RBM26: variants seen among roughly 807,000 people sequenced by gnomAD.
The protein encoded by RBM26 is RNA binding motif protein 26.
RBM26 carries 30 observed loss-of-function variants against 123.6 expected under a neutral mutation model. The observed-to-expected ratio is 0.24, with a 90% confidence interval of 0.18 to 0.33. The LOEUF (loss-of-function observed/expected upper bound fraction) is 0.33. Ranked by LOEUF, RBM26 falls within the 10% of genes least tolerant of loss-of-function variation. The pLI is 1.00. For synonymous variants in RBM26, 400 were observed against 404.4 expected, an observed-to-expected ratio of 0.99 and a Z score of 0.13; for missense variants, 947 against 1,203.6, an observed-to-expected ratio of 0.79 and a Z score of 3.15.
intron 1 of RBM26, among the ~76,000 whole-genome samples, chr13:79,397,022 A>G (rs921493101): frequency 6.6e-6 from 1 of 152,076 alleles, no homozygotes; most frequent in African/African-American, 2.4e-5. Flanking sequence ...TCTACTAAAA[A>G]TACGAAAAAT....
At chr13:79,333,750 G>A (rs919481151) in intron 20 of RBM26, among the ~76,000 whole-genome samples, 4 of 151,860 alleles carry the variant, frequency 2.6e-5, no homozygotes, top group Admixed American at 6.6e-5. Flanking sequence ...CAGATATTCC[G>A]GTCAGTCCTT....
chr13:79,362,106 C>T (rs540573600), intron 9 of RBM26, among the ~76,000 whole-genome samples: 49 of 152,256 alleles, frequency 3.2e-4, no homozygotes, highest in African/African-American at 1.1e-3. Flanking sequence ...CTCAGACTTC[C>T]ATATCCTATT....
At chr13:79,377,271 G>A (rs1362826736) in intron 3 of RBM26, 108 bp downstream of exon 3, 3 of 821,322 alleles carry the variant, frequency 3.7e-6, no homozygotes, top group Non-Finnish European at 5.8e-6. Flanking sequence ...ATTTAAACTG[G>A]GAGTGGTCCT....
At chr13:79,365,348 G>A (rs903278346) in intron 9 of RBM26, among the ~76,000 whole-genome samples, 1 of 152,072 alleles carries the variant, frequency 6.6e-6, no homozygotes, top group Non-Finnish European at 1.5e-5. Flanking sequence ...AGGAGGCTGA[G>A]GCAGGAAAAT....
chr13:79,370,409 T>C (rs1806971444), intron 5 of RBM26, among the ~76,000 whole-genome samples: 1 of 152,242 alleles, frequency 6.6e-6, no homozygotes, highest in Admixed American at 6.5e-5. Flanking sequence ...TCATCCATTT[T>C]GTTGCATGTA....
At chr13:79,341,713 T>C (rs117539984) in intron 17 of RBM26, among the ~76,000 whole-genome samples, 1 of 151,946 alleles carries the variant, frequency 6.6e-6, no homozygotes, top group East Asian at 1.9e-4. Context: ...GTCTTTTATG[T>C]ATTCCTTTTT....
rs776448642 is a variant in RBM26, at chr13:79,341,159, A to G, written c.2496T>C (p.Thr832=). 3.1e-5 allele frequency: 50 copies of G among 1,609,602 alleles called. 1 individual carries two copies. In the South Asian group the frequency reaches 5.3e-4, roughly 17 times the overall value. ...YKKMQAGEEV[T]ELRRKYTELQ... ...ATTCTGTATACTTTCTCCTAAGTTC[A>G]GTGACTTCTTCTCCAGCCTGCATCT... The change falls in exon 18 of 22, where the codon ACT becomes ACC. Residue 832 remains threonine, a synonymous_variant. Transcript: ENST00000438737.
intron 18 of RBM26, among the ~76,000 whole-genome samples, chr13:79,337,929 A>C (rs1217865999): frequency 6.6e-6 from 1 of 152,200 alleles, no homozygotes; most frequent in Non-Finnish European, 1.5e-5. Context: ...TTAAACAACT[A>C]AGTTATGGCC....
intron 3 of RBM26, among the ~76,000 whole-genome samples, chr13:79,372,222 T>C (rs967029951): frequency 6.6e-6 from 1 of 152,134 alleles, no homozygotes; most frequent in African/African-American, 2.4e-5. Context: ...GAGGTTGCAG[T>C]GAGCTGAGAT....
chr13:79,376,983 G>A (rs1026061468), intron 3 of RBM26: 2 of 165,928 alleles, frequency 1.2e-5, no homozygotes, highest in Non-Finnish European at 2.7e-5. Flanking sequence ...TACATACTAG[G>A]TAGGCGGTGC....
chr13:79,349,692 TAA>T (rs2072919018), intron 14 of RBM26, among the ~76,000 whole-genome samples: 1 of 151,276 alleles, frequency 6.6e-6, no homozygotes, highest in East Asian at 1.9e-4. Flanking sequence ...AAAACTATGA[TAA>T]ATCCCACTCT....
rs761663897 is a variant in RBM26, at chr13:79,366,642, G to A, written c.1126C>T (p.Pro376Ser). The A allele has an allele frequency of 1.0e-5, 16 of 1,562,990 alleles. No homozygotes were observed. The South Asian group carries it at 1.7e-4, about 16-fold the overall frequency. Residue 376 changes from proline to serine, a missense_variant, in exon 7 of 22, where the codon CCT becomes TCT. Pro to Ser is a moderately conservative substitution (Grantham distance 74). This residue lies in a region of RBM26 where 493 missense variants were observed against 563.1 expected (regional missense o/e 0.88). Coordinates refer to ENST00000438737, the MANE Select transcript of RBM26 (RefSeq NM_001366735.2). ...PPGPLPPSLP[P>S]VTGPPPPLPP... ...AAACAGATTTACTTACCTGTAACAG[G>A]TGGGAGACTGGGTGGCAATGGACCT...
intron 20 of RBM26, among the ~76,000 whole-genome samples, chr13:79,328,683 T>TAAAAAAAAAAAAAAAAAAAAAAAAA (rs747906560): frequency 5.2e-5 from 2 of 38,478 alleles, no homozygotes; most frequent in Non-Finnish European, 9.8e-5. Context: ...CTGCATTAAG[T>TAAAAAAAAAAAAAAAAAAAAAAAAA]AAAAAAAAAA....
chr13:79,388,384 C>A (rs185422733), intron 1 of RBM26, among the ~76,000 whole-genome samples: 186 of 152,374 alleles, frequency 1.2e-3, no homozygotes, highest in Admixed American at 3.1e-3. Flanking sequence ...GCGTGAGCCA[C>A]CTCGCCCAGC....
rs1182426211 is a variant in RBM26 at position 79,342,712 on chromosome 13, A to G, written c.2379T>C (p.Ala793=). 6.2e-7 allele frequency: 1 copy of G among 1,611,642 alleles called. No homozygotes were observed. The highest frequency in any genetic ancestry group is 2.2e-5 in the East Asian group (1 of 44,770). ...TTGGAAGACAGCGTCCAGGAGAAGC[A>G]GCTTTGACCTCATCTTTCAACTTGG... ...NITKLKDEVK[A]ASPGRCLPKS... The change falls in exon 17 of 22, where the codon GCT becomes GCC. Residue 793 remains alanine (A), a synonymous_variant. Coordinates refer to ENST00000438737, the MANE Select transcript of RBM26 (RefSeq NM_001366735.2).
At chr13:79,315,388 T>G (rs1488678686), downstream of RBM26, among the ~76,000 whole-genome samples, 1 of 151,838 alleles carries the variant, frequency 6.6e-6, no homozygotes, top group South Asian at 2.1e-4. Context: ...TTCTTAAGGT[T>G]TCCCAAAGAT....
At chr13:79,375,246 CACT>C (rs2076581763) in intron 3 of RBM26, among the ~76,000 whole-genome samples, 1 of 149,186 alleles carries the variant, frequency 6.7e-6, no homozygotes, top group African/African-American at 2.5e-5. Flanking sequence ...GGTCTCAGCT[CACT>C]ACAACCTCTG....
rs371758947 is a variant in RBM26, at chr13:79,334,148, A to C, written c.2820+196T>G. ...ACTTGGTGACTAAATATGTATTTTA[A>C]TTGTATTATGTTACACACAGAATTG... On this transcript the variant is annotated intron_variant, in intron 20 of 21. Coordinates refer to ENST00000438737, the MANE Select transcript of RBM26 (RefSeq NM_001366735.2). 1.6e-4 allele frequency among the ~76,000 whole-genome samples: 25 copies of C among 152,302 alleles called. No homozygotes were observed. The East Asian group carries it at 2.9e-3, about 18-fold the overall frequency.
intron 1 of RBM26, among the ~76,000 whole-genome samples, chr13:79,402,401 C>T (rs1594785137): frequency 6.7e-6 from 1 of 150,182 alleles, no homozygotes; most frequent in African/African-American, 2.4e-5. Flanking sequence ...TACAGATATG[C>T]AGACTTCTAT....
Sources: allele counts gnomAD v4.1 joint callset (sites outside exome capture counted in the v4.1 genomes callset), GRCh38; gene constraint gnomAD v4.1.1; regional missense constraint gnomAD v4.1.1; transcripts MANE v1.5; gene names NCBI Gene and HGNC (gene_info 2026-07-23, HGNC 2026-07-21).